COL4A6: variants seen among roughly 807,000 people sequenced by gnomAD.
The protein encoded by COL4A6 is collagen alpha-6(IV) chain.
A neutral mutation model predicts 126.7 loss-of-function variants in COL4A6; 59 were observed. That is an observed-to-expected ratio of 0.47 (90% CI 0.38 to 0.58). COL4A6 has a LOEUF of 0.58. Ranked by LOEUF, COL4A6 falls within the 20% of genes least tolerant of loss-of-function variation. COL4A6 has a pLI of 0.00. For missense variants in COL4A6, 1,285 were observed against 1,337.3 expected (o/e 0.96, Z 0.61); for synonymous variants, 547 against 496.6 (o/e 1.10, Z -1.35).
In COL4A6 at chrX:108,179,406, G is replaced by T. The variant is rs748867663; in HGVS notation, c.2164C>A (p.Pro722Thr). The T allele has an allele frequency of 8.3e-7, 1 of 1,208,934 alleles. No homozygotes were observed. The highest frequency in any genetic ancestry group is 1.7e-5 in the African/African-American group (1 of 57,761). ...TTTCCAGGGAGCCCAGGAAACCCAG[G>T]CAAGCCCTTCTCCCCACGAGGTCCA... is the stretch of plus-strand genomic sequence containing the variant. ...FPGPRGEKGL[P>T]GFPGLPGKDG... The change falls in exon 26 of 45, where the codon CCT becomes ACT. Residue 722 changes from proline to threonine, a missense_variant. Pro to Thr is a conservative substitution (Grantham distance 38, BLOSUM62 -1). Transcript: ENST00000334504.
chrX:108,393,493 G>A (rs2040882781), intron 2 of COL4A6, among the ~76,000 whole-genome samples: 1 of 112,026 alleles, frequency 8.9e-6, no homozygotes, highest in Non-Finnish European at 1.9e-5. Flanking sequence ...TAAAGTTATA[G>A]AGGGATCATT....
chrX:108,354,858 C>T (rs1460573721), intron 2 of COL4A6, among the ~76,000 whole-genome samples: 1 of 110,928 alleles, frequency 9.0e-6, no homozygotes, highest in Non-Finnish European at 1.9e-5. Context: ...CTGGGTTAGA[C>T]AATCTCTTAT....
At chrX:108,409,630 T>C (rs1241108239) in intron 2 of COL4A6, among the ~76,000 whole-genome samples, 2 of 111,657 alleles carry the variant, frequency 1.8e-5, no homozygotes, top group Non-Finnish European at 3.8e-5. Flanking sequence ...TCCTAACAAC[T>C]ATGGCCAAGA....
intron 2 of COL4A6, among the ~76,000 whole-genome samples, chrX:108,350,688 T>A (rs1366620224): frequency 2.7e-5 from 3 of 111,880 alleles, no homozygotes; most frequent in Non-Finnish European, 5.6e-5. Flanking sequence ...CATCTTCCCA[T>A]AAGTAACAAC....
In COL4A6 at chrX:108,384,676, G is replaced by A. The variant is rs570607016; in HGVS notation, c.63+53266C>T. On this transcript the variant is annotated intron_variant, in intron 2 of 44. Transcript: ENST00000334504. ...TTTTTGAAATATGGAAAGAAAGAAG[G>A]ACACCTCAAAAGAGGATAATTCAAA... Among the ~76,000 whole-genome samples, 8 of 111,401 alleles carry A rather than the reference G, an allele frequency of 7.2e-5. No homozygotes were observed. The South Asian group carries it at 3.0e-3, about 42-fold the overall frequency.
At chrX:108,421,646 T>G (rs1347013781) in intron 2 of COL4A6, among the ~76,000 whole-genome samples, 5 of 112,118 alleles carry the variant, frequency 4.5e-5, no homozygotes, top group Non-Finnish European at 7.5e-5. Flanking sequence ...CAGAGATTTA[T>G]CCATGTAAAT....
At chrX:108,272,339 C>T (rs1336834310) in intron 3 of COL4A6, among the ~76,000 whole-genome samples, 1 of 111,883 alleles carries the variant, frequency 8.9e-6, no homozygotes, top group East Asian at 2.8e-4. Flanking sequence ...GGCATCAAAG[C>T]CTCTGTGTAG....
At chrX:108,359,641 T>A (rs1360777303) in intron 2 of COL4A6, among the ~76,000 whole-genome samples, 1 of 112,251 alleles carries the variant, frequency 8.9e-6, no homozygotes, top group Non-Finnish European at 1.9e-5. Context: ...GGTGCCTACT[T>A]TGTGTTTCAG....
rs192766053 is a variant in COL4A6 at position 108,201,293 on chromosome X, C to T, written c.834+1635G>A. On this transcript the variant is annotated intron_variant, in intron 13 of 44. Transcript: ENST00000334504. ...GATTCATCCATTTCCCACCTGATCCCTATTCCCAATCCATGAAAATCTTGT... is the reference window on the plus strand; with the variant it reads ...GATTCATCCATTTCCCACCTGATCCTTATTCCCAATCCATGAAAATCTTGT... Among the ~76,000 whole-genome samples, 5 of 111,937 alleles carry T rather than the reference C, an allele frequency of 4.5e-5. No individual in the cohort carries two copies. The East Asian group carries it at 1.4e-3, about 31-fold the overall frequency.
rs1191110433 is a variant in COL4A6 at position 108,163,018 on chromosome X, C to A, written c.4090G>T (p.Asp1364Tyr). 4.2e-6 allele frequency: 5 copies of A among 1,199,157 alleles called. No individual in the cohort carries two copies. In the Admixed American group the frequency reaches 9.2e-5, roughly 22 times the overall value. Residue 1364 changes from aspartate (D) to tyrosine (Y), a missense_variant, in exon 41 of 45, where the codon GAT becomes TAT. Physicochemically the swap from Asp to Tyr is radical, Grantham distance 160. Coordinates refer to ENST00000334504, the MANE Select transcript of COL4A6 (RefSeq NM_033641.4). Reference protein sequence around the residue: ...GPRGSSGLQGDPGQTPTAEAV... With the variant: ...GPRGSSGLQGYPGQTPTAEAV... ...TCTGCAGTTGGTGTTTGTCCAGGAT[C>A]ACCTTGGAGGCCAGAAGAGCCTGTG...
chrX:108,389,068 T>A (rs1393369914), intron 2 of COL4A6, among the ~76,000 whole-genome samples: 1 of 112,292 alleles, frequency 8.9e-6, no homozygotes, highest in Admixed American at 9.4e-5. Flanking sequence ...GATTGCATTG[T>A]GGTCTGACAG....
chrX:108,221,110 G>T lies in COL4A6; in HGVS notation c.279+130C>A, dbSNP rs748774971. Reference sequence around the variant, plus strand: ...GAGACTCTGTCTCAAAAAAAAAAATGCAGAAATGCAGCCTGGCACCAAACT... The same window carrying T: ...GAGACTCTGTCTCAAAAAAAAAAATTCAGAAATGCAGCCTGGCACCAAACT... On this transcript the variant is annotated intron_variant, in intron 4 of 44. Coordinates refer to ENST00000334504, the MANE Select transcript of COL4A6 (RefSeq NM_033641.4). 6.3e-5 allele frequency: 57 copies of T among 897,686 alleles called. No homozygotes were observed. In the South Asian group the frequency reaches 9.3e-4, roughly 15 times the overall value. The allele number at this position is 897,686 out of a possible 1,213,427, so 74.0% of individuals were successfully genotyped here.
At chrX:108,312,956 A>G (rs1328688890) in intron 2 of COL4A6, among the ~76,000 whole-genome samples, 1 of 112,018 alleles carries the variant, frequency 8.9e-6, no homozygotes, top group Non-Finnish European at 1.9e-5. Flanking sequence ...CAGGAGCTGA[A>G]CAAAACCATA....
chrX:108,279,381 CA>C (rs2037727287), intron 3 of COL4A6, among the ~76,000 whole-genome samples: 1 of 111,381 alleles, frequency 9.0e-6, no homozygotes, highest in East Asian at 2.8e-4. Flanking sequence ...CAACAAAGAT[CA>C]AAAGAGACAA....
chrX:108,383,730 A>T, intron 2 of COL4A6: 1 of 514,694 alleles, frequency 1.9e-6, no homozygotes, highest in Non-Finnish European at 3.6e-6. Context: ...ATAAGGTATC[A>T]GTCACACTGT....
intron 3 of COL4A6, among the ~76,000 whole-genome samples, chrX:108,233,915 G>A (rs997283508): frequency 2.7e-5 from 3 of 112,083 alleles, no homozygotes; most frequent in Non-Finnish European, 5.6e-5. Context: ...GGAAGGGAAT[G>A]AGATCTCCAC....
intron 3 of COL4A6, among the ~76,000 whole-genome samples, chrX:108,279,602 AG>A (rs1225315549): frequency 1.3e-4 from 14 of 111,609 alleles, no homozygotes; most frequent in Non-Finnish European, 2.6e-4. Context: ...AGAGTTAATA[AG>A]GATACCCAGG....
chrX:108,317,927 A>G (rs1180002982), intron 2 of COL4A6, among the ~76,000 whole-genome samples: 8 of 111,271 alleles, frequency 7.2e-5, no homozygotes, highest in Non-Finnish European at 1.5e-4. Context: ...TTTTGGTTCC[A>G]TATGAACTTT....
At chrX:108,209,474 G>A (rs921630010) in intron 8 of COL4A6, among the ~76,000 whole-genome samples, 6 of 111,294 alleles carry the variant, frequency 5.4e-5, no homozygotes, top group African/African-American at 1.6e-4. Context: ...TTTTTCTTAA[G>A]CTGTTTCAAA....
Sources: gnomAD v4.1 joint callset for allele counts (sites outside exome capture counted in the v4.1 genomes callset) on GRCh38, gnomAD v4.1.1 for gene constraint, MANE v1.5 for transcripts, NCBI Gene and HGNC (gene_info 2026-07-23, HGNC 2026-07-21) for gene names.